KCNQ3: variants seen among roughly 807,000 people sequenced by gnomAD.
KCNQ3 encodes the protein potassium voltage-gated channel subfamily Q member 3, also known as potassium voltage-gated channel subfamily KQT member 3.
KCNQ3 carries 30 observed loss-of-function variants against 92.5 expected under a neutral mutation model. The ratio of observed to expected loss-of-function variants is 0.32; its 90% CI spans 0.24 to 0.44. KCNQ3 has a LOEUF of 0.44. Among genes scored for constraint, KCNQ3 ranks in the 20% least tolerant of loss-of-function variants. The probability of loss-of-function intolerance (pLI) is 1.00; values close to 1 mark genes in which losing one functional copy is unlikely to be tolerated. For missense variants in KCNQ3, 913 were observed against 1,140.3 expected (o/e 0.80, Z 2.87); for synonymous variants, 450 against 468.8 (o/e 0.96, Z 0.52).
chr8:132,232,619 G>C (rs143113681), intron 1 of KCNQ3, among the ~76,000 whole-genome samples: 2 of 152,312 alleles, frequency 1.3e-5, no homozygotes, highest in East Asian at 3.9e-4. Context: ...CAACATGGCT[G>C]TACATCCTTA....
chr8:132,320,798 A>G (rs1817873941), intron 1 of KCNQ3, among the ~76,000 whole-genome samples: 1 of 152,188 alleles, frequency 6.6e-6, no homozygotes, highest in African/African-American at 2.4e-5. Flanking sequence ...AAGAGAAAAC[A>G]AATGAATGCT....
In KCNQ3 at chr8:132,132,362, CTCACCCTCA is replaced by C; in HGVS notation, c.1800-107_1800-99del. On this transcript the variant is annotated intron_variant, in intron 13 of 14. Transcript: ENST00000388996. Reference sequence around the variant, plus strand: ...GGCCATGGCCAACAGAGCCATCGTTCTCACCCTCACACTTGTGTGGCATAAAAGAGCACC... The same window carrying C: ...GGCCATGGCCAACAGAGCCATCGTTCCACTTGTGTGGCATAAAAGAGCACC... The C allele has an allele frequency of 3.5e-6, 3 of 860,722 alleles. No individual in the cohort carries two copies. In the South Asian group the frequency reaches 4.1e-5, roughly 12 times the overall value. 53.3% of individuals were successfully genotyped at this position (860,722 alleles called of 1,614,324 possible).
intron 1 of KCNQ3, among the ~76,000 whole-genome samples, chr8:132,239,222 T>C (rs1400427759): frequency 6.6e-6 from 1 of 152,188 alleles, no homozygotes; most frequent in Non-Finnish European, 1.5e-5. Context: ...CATGCCCTAC[T>C]CCAGCCCTCC....
intron 1 of KCNQ3, among the ~76,000 whole-genome samples, chr8:132,274,858 G>A (rs1816274305): frequency 6.6e-6 from 1 of 152,180 alleles, no homozygotes; most frequent in Non-Finnish European, 1.5e-5. Context: ...CAGAGTGTGG[G>A]GAGGCTGAGG....
At chr8:132,276,452 C>A (rs1216392704) in intron 1 of KCNQ3, among the ~76,000 whole-genome samples, 1 of 152,176 alleles carries the variant, frequency 6.6e-6, no homozygotes, top group Non-Finnish European at 1.5e-5. Flanking sequence ...CTGGCTTCCC[C>A]TCCCCAGCCC....
intron 1 of KCNQ3, among the ~76,000 whole-genome samples, chr8:132,460,680 T>C (rs983556820): frequency 6.6e-6 from 1 of 152,204 alleles, no homozygotes; most frequent in African/African-American, 2.4e-5. Flanking sequence ...GTAATATAGC[T>C]AGATTCTCTT....
chr8:132,334,612 C>T lies in KCNQ3; in HGVS notation c.386+145535G>A, dbSNP rs562668450. Among the ~76,000 whole-genome samples, 11 of 152,330 alleles carry T rather than the reference C, an allele frequency of 7.2e-5. 1 individual carries two copies. In the South Asian group the frequency reaches 2.1e-3, roughly 29 times the overall value. ...ATCTCCCCACAGTGGGATTTGAGTG[C>T]TTGTCTCCCATGCCATCCCCATCTG... On this transcript the variant is annotated intron_variant, in intron 1 of 14. Transcript: ENST00000388996.
At chr8:132,207,844 AC>A (rs1282022990) in intron 1 of KCNQ3, among the ~76,000 whole-genome samples, 1 of 150,588 alleles carries the variant, frequency 6.6e-6, no homozygotes, top group Non-Finnish European at 1.5e-5. Context: ...ATTATTCTAG[AC>A]TTTTTTCTTT....
At chr8:132,396,216 C>T (rs1481645305) in intron 1 of KCNQ3, among the ~76,000 whole-genome samples, 1 of 152,152 alleles carries the variant, frequency 6.6e-6, no homozygotes, top group Non-Finnish European at 1.5e-5. Flanking sequence ...CTCTTTGCCC[C>T]ATTGAACAGA....
intron 9 of KCNQ3, among the ~76,000 whole-genome samples, chr8:132,161,400 G>A (rs753494845): frequency 3.9e-5 from 6 of 152,256 alleles, no homozygotes; most frequent in South Asian, 2.1e-4. Flanking sequence ...AGACCAAGAC[G>A]GGCGGATCAC....
chr8:132,327,886 A>C (rs1188520330), intron 1 of KCNQ3, among the ~76,000 whole-genome samples: 1 of 151,874 alleles, frequency 6.6e-6, no homozygotes, highest in African/African-American at 2.4e-5. Context: ...GGTACAGAGG[A>C]CCCCACCTGT....
intron 1 of KCNQ3, among the ~76,000 whole-genome samples, chr8:132,290,923 A>G (rs1816818605): frequency 6.6e-6 from 1 of 152,182 alleles, no homozygotes; most frequent in African/African-American, 2.4e-5. Context: ...GCACCCTCAG[A>G]TGATAAGGGA....
intron 1 of KCNQ3, among the ~76,000 whole-genome samples, chr8:132,222,808 C>T (rs1361833842): frequency 6.6e-6 from 1 of 152,162 alleles, no homozygotes; most frequent in Admixed American, 6.5e-5. Flanking sequence ...TTTAGTAGTG[C>T]TTACATAGTT....
At chr8:132,153,917 T>G (rs555305865) in intron 9 of KCNQ3, among the ~76,000 whole-genome samples, 18 of 152,256 alleles carry the variant, frequency 1.2e-4, no homozygotes, top group East Asian at 9.7e-4. Context: ...ATTCCCCTCT[T>G]TCTAGATGAG....
intron 1 of KCNQ3, among the ~76,000 whole-genome samples, chr8:132,423,826 T>C (rs1821035232): frequency 6.6e-6 from 1 of 152,140 alleles, no homozygotes. Context: ...GGCCCCACCA[T>C]ACAGTATGGA....
intron 1 of KCNQ3, among the ~76,000 whole-genome samples, chr8:132,354,573 C>G (rs1405308806): frequency 1.3e-5 from 2 of 152,158 alleles, no homozygotes; most frequent in Non-Finnish European, 2.9e-5. Context: ...GTCAGCACAC[C>G]CTCTCCCCTG....
At chr8:132,335,589 G>A (rs892781934) in intron 1 of KCNQ3, among the ~76,000 whole-genome samples, 4 of 152,118 alleles carry the variant, frequency 2.6e-5, no homozygotes, top group African/African-American at 9.7e-5. Flanking sequence ...GCAAAGGTTG[G>A]GGATGTCAGG....
Position 132,184,338 on chromosome 8 carries a change from G to C in KCNQ3, c.507C>G (p.Ala169=), listed in dbSNP as rs1220196153. The change falls in exon 3 of 15, where the codon GCC becomes GCG. Residue 169 remains alanine (A), a synonymous_variant. Coordinates refer to ENST00000388996, the MANE Select transcript of KCNQ3 (RefSeq NM_004519.4). The part of the protein sequence containing the change: ...LETFAIFIFG[A]EFALRIWAAG... ...CAGCCCAGATCCTCAAAGCAAACTC[G>C]GCTCCAAAGATGAAAATAGCAAATG... The C allele has an allele frequency of 6.2e-7, 1 of 1,614,054 alleles. No individual in the cohort carries two copies. The highest frequency in any genetic ancestry group is 1.1e-5 in the South Asian group (1 of 91,074).
chr8:132,246,323 A>C (rs919315248), intron 1 of KCNQ3, among the ~76,000 whole-genome samples: 2 of 152,244 alleles, frequency 1.3e-5, no homozygotes, highest in Admixed American at 1.3e-4. Flanking sequence ...TGAGAGAAGG[A>C]ACATGAGGGG....
Sources: gnomAD v4.1 joint callset for allele counts (sites outside exome capture counted in the v4.1 genomes callset) on GRCh38, gnomAD v4.1.1 for gene constraint, MANE v1.5 for transcripts, NCBI Gene and HGNC (gene_info 2026-07-23, HGNC 2026-07-21) for gene names.